Variants in CCDC141 observed in about 807,000 individuals in gnomAD.
The protein encoded by CCDC141 is coiled-coil domain-containing protein 141.
Under a neutral mutation model 181.0 loss-of-function variants are expected in CCDC141, and 168 were observed. The ratio of observed to expected loss-of-function variants is 0.93; its 90% CI spans 0.82 to 1.05. CCDC141 has a LOEUF of 1.05. Among genes scored for constraint, CCDC141 ranks in the 50% least tolerant of loss-of-function variants. The pLI, the probability that CCDC141 is intolerant of heterozygous loss-of-function variation, is 0.00. For synonymous variants in CCDC141, 666 were observed against 642.3 expected, an observed-to-expected ratio of 1.04 and a Z score of -0.56; for missense variants, 1,902 against 1,788.5, an observed-to-expected ratio of 1.06 and a Z score of -1.14.
chr2:178,974,701 T>A (rs1691044054), intron 4 of CCDC141, among the ~76,000 whole-genome samples: 1 of 152,184 alleles, frequency 6.6e-6, no homozygotes, highest in South Asian at 2.1e-4. Context: ...CTGAATTCAA[T>A]GATTTATTCA....
At chr2:178,937,171 T>A (rs942117303) in intron 6 of CCDC141, among the ~76,000 whole-genome samples, 1 of 152,166 alleles carries the variant, frequency 6.6e-6, no homozygotes, top group African/African-American at 2.4e-5. Flanking sequence ...CTTATGCCAG[T>A]TTTCAAGGGA....
chr2:178,905,533 T>A, intron 7 of CCDC141, 32 bp from the exon 8 acceptor site: 1 of 1,524,728 alleles, frequency 6.6e-7, no homozygotes, highest in Non-Finnish European at 8.8e-7. Context: ...TATTTTCTGC[T>A]TCTCTAGTTT....
intron 2 of CCDC141, among the ~76,000 whole-genome samples, chr2:179,039,161 A>G (rs1000656221): frequency 3.3e-5 from 5 of 152,084 alleles, no homozygotes; most frequent in African/African-American, 1.2e-4. Flanking sequence ...TATTTTCATC[A>G]CTGAAAACAG....
At chr2:178,827,252 G>A (rs769213943), downstream of CCDC141, among the ~76,000 whole-genome samples, 13 of 152,086 alleles carry the variant, frequency 8.5e-5, no homozygotes, top group African/African-American at 2.4e-5. Flanking sequence ...TTTAATGGAT[G>A]ATATATGGCC....
intron 2 of CCDC141, among the ~76,000 whole-genome samples, chr2:179,006,382 A>G (rs2042123506): frequency 6.6e-6 from 1 of 152,210 alleles, no homozygotes; most frequent in South Asian, 2.1e-4. Context: ...CTCCCTGAGA[A>G]AAAAACAGTG....
In CCDC141 at chr2:178,913,532, A is replaced by AATGAAAAAAGTATACAAATTAT. The variant is rs1688310221; in HGVS notation, c.1092+5180_1092+5181insATAATTTGTATACTTTTTTCAT. Among the ~76,000 whole-genome samples, 3 of 152,324 alleles carry AATGAAAAAAGTATACAAATTAT rather than the reference A, an allele frequency of 2.0e-5. No individual in the cohort carries two copies. In the South Asian group the frequency reaches 6.2e-4, roughly 32 times the overall value. ...ATCCCATATATATCACGTATATATA[A>AATGAAAAAAGTATACAAATTAT]ATGAAAAAAGTATACAAATTCCATG... On this transcript the variant is annotated intron_variant, in intron 7 of 23. Transcript: ENST00000443758.
intron 4 of CCDC141, among the ~76,000 whole-genome samples, chr2:178,972,884 C>G (rs925776149): frequency 3.3e-5 from 5 of 152,090 alleles, no homozygotes; most frequent in Admixed American, 6.5e-5. Context: ...TATTAGGGAG[C>G]CTTAGCACTG....
intron 4 of CCDC141, among the ~76,000 whole-genome samples, chr2:178,964,231 G>A (rs2154379263): frequency 6.6e-6 from 1 of 152,214 alleles, no homozygotes; most frequent in South Asian, 2.1e-4. Flanking sequence ...GCATTGAAGA[G>A]CTTGTTATGA....
intron 7 of CCDC141, 23 bp downstream of exon 7, chr2:178,918,690 T>C: frequency 6.5e-7 from 1 of 1,541,154 alleles, no homozygotes; most frequent in Non-Finnish European, 8.8e-7. Flanking sequence ...TACCGAAAAT[T>C]ATCAACTTGA....
At chr2:178,896,030 A>G (rs1687388369) in intron 8 of CCDC141, among the ~76,000 whole-genome samples, 2 of 152,200 alleles carry the variant, frequency 1.3e-5, no homozygotes, top group Non-Finnish European at 2.9e-5. Flanking sequence ...GGTCTGAATG[A>G]GGACATGATA....
At position 178,880,573 on chromosome 2, in the gene CCDC141, C is replaced by T. The variant is rs13433071; in HGVS notation, c.1720-2430G>A. ...GGCTCAATAAACAGATATGGGAGAG[C>T]ATGGCCTTTGAAATAGAAAAAACAA... On this transcript the variant is annotated intron_variant, in intron 11 of 23. Transcript: ENST00000443758. Among the ~76,000 whole-genome samples the T allele has an allele frequency of 3.1e-3, 469 of 152,176 alleles. 4 individuals carry two copies. Among genetic ancestry groups the T allele is most frequent in the African/African-American group, 0.011 (438 of 41,524 alleles).
intron 2 of CCDC141, among the ~76,000 whole-genome samples, chr2:178,993,794 G>C (rs1181377598): frequency 6.6e-6 from 1 of 152,060 alleles, no homozygotes; most frequent in Admixed American, 6.5e-5. Flanking sequence ...GGGAGTACAG[G>C]CATTGGGTTA....
intron 13 of CCDC141, 28 bp from the exon 14 acceptor site, chr2:178,871,580 T>A (rs766133126): frequency 5.0e-6 from 8 of 1,605,516 alleles, no homozygotes; most frequent in East Asian, 4.5e-5. Context: ...CAGTTACACA[T>A]GCATTTTCTT....
rs1374288122 is a variant in CCDC141, at chr2:178,978,688, GA to G, written c.226-14del. On this transcript the variant is annotated splice_polypyrimidine_tract_variant and intron_variant, in intron 2 of 23. Transcript: ENST00000443758. ...GATCTTCCAAAGCCTAAGTACAAAA[GA>G]AAAAGGCATAAGGCAGGGTGTTAAC... 2.6e-6 allele frequency: 4 copies of G among 1,509,522 alleles called. No homozygotes were observed. The highest frequency in any genetic ancestry group is 1.3e-5 in the South Asian group (1 of 78,488). The allele number at this position is 1,509,522 out of a possible 1,614,324, so 93.5% of individuals were successfully genotyped here.
In CCDC141 at chr2:178,975,161, G is replaced by A. The variant is rs10497529; in HGVS notation, c.422C>T (p.Ala141Val). 43,324 of 1,443,594 alleles carry A rather than the reference G, an allele frequency of 0.03. 799 individuals are homozygous for A. The highest frequency in any genetic ancestry group is 0.049 in the Admixed American group (2,396 of 48,988). 89.4% of individuals were successfully genotyped at this position (1,443,594 alleles called of 1,614,324 possible). A position where few individuals can be genotyped will look rare whatever the true frequency, so the allele number is the denominator to read the frequency against. Residue 141 changes from alanine to valine, a missense_variant, in exon 4 of 24, where the codon GCT becomes GTT. By Grantham distance (64) the Ala-to-Val change is moderately conservative. Coordinates refer to ENST00000443758, the MANE Select transcript of CCDC141 (RefSeq NM_173648.4). The part of the protein sequence containing the change: ...SEFFENALEF[A>V]IKIDQAEDFL... ...ATCTTCAGCTTGGTCTATTTTAATA[G>A]CAAACTACAATAGAAATACAGAGGA...
intron 5 of CCDC141, among the ~76,000 whole-genome samples, chr2:178,953,509 G>A (rs1369684297): frequency 6.6e-6 from 1 of 151,878 alleles, no homozygotes; most frequent in African/African-American, 2.4e-5. Context: ...GTTTATCCAG[G>A]AATACTACCC....
In CCDC141 at chr2:178,888,616, C is replaced by A; in HGVS notation, c.1318G>T (p.Asp440Tyr). The change falls in exon 9 of 24, where the codon GAT becomes TAT. Residue 440 changes from aspartate (D) to tyrosine (Y), a missense_variant. Coordinates refer to ENST00000443758, the MANE Select transcript of CCDC141 (RefSeq NM_173648.4). ...EMMGCIKRRV[D>Y]HLTEQCSAHK... ...GCTGAACACTGTTCGGTCAGATGAT[C>A]CACTCGTCTCTTAATGCACCCCATC... 1 of 1,550,708 alleles carries A rather than the reference C, an allele frequency of 6.4e-7. No homozygotes were observed. The highest frequency in any genetic ancestry group is 1.7e-4 in the Middle Eastern group (1 of 5,996).
At chr2:178,918,447 C>A (rs1287010977) in intron 7 of CCDC141, among the ~76,000 whole-genome samples, 1 of 152,074 alleles carries the variant, frequency 6.6e-6, no homozygotes, top group Non-Finnish European at 1.5e-5. Flanking sequence ...CAAACCAAAC[C>A]AAACAAAACA....
chr2:178,861,598 T>C (rs1409651345), intron 17 of CCDC141, among the ~76,000 whole-genome samples: 1 of 147,996 alleles, frequency 6.8e-6, no homozygotes, highest in Non-Finnish European at 1.5e-5. Context: ...ATCGTACCAT[T>C]GCACTCCAGC....
Sources: gnomAD v4.1 joint callset for allele counts (sites outside exome capture counted in the v4.1 genomes callset) on GRCh38, gnomAD v4.1.1 for gene constraint, MANE v1.5 for transcripts, NCBI Gene and HGNC (gene_info 2026-07-23, HGNC 2026-07-21) for gene names.